The following SEC14L5 variants were observed in gnomAD, a reference collection of about 807,000 sequenced individuals.
SEC14L5 encodes the protein SEC14 like lipid binding 5, also known as SEC14-like protein 5.
Under a neutral mutation model 84.6 loss-of-function variants are expected in SEC14L5, and 96 were observed. The observed-to-expected ratio is 1.13, with a 90% confidence interval of 0.96 to 1.34. The LOEUF (loss-of-function observed/expected upper bound fraction) is 1.34. Among genes scored for constraint, SEC14L5 ranks in the 40% most tolerant of loss-of-function variants. The pLI, the probability that SEC14L5 is intolerant of heterozygous loss-of-function variation, is 0.00. For missense variants in SEC14L5, 1,224 were observed against 942.5 expected (o/e 1.30, Z -3.91); for synonymous variants, 546 against 383.4 (o/e 1.42, Z -4.95).
chr16:4,991,612 A>T (rs1955554120), intron 5 of SEC14L5, among the ~76,000 whole-genome samples: 1 of 152,052 alleles, frequency 6.6e-6, no homozygotes, highest in Admixed American at 6.6e-5. Context: ...CAAAAAACTG[A>T]TTACTGAGCT....
intron 2 of SEC14L5, among the ~76,000 whole-genome samples, chr16:4,980,074 C>G (rs1295068020): frequency 1.3e-5 from 2 of 152,346 alleles, no homozygotes; most frequent in East Asian, 1.9e-4. Context: ...CGGCCATGTG[C>G]TGCTGGGCGA....
chr16:5,012,022 G>A (rs1047626232), intron 15 of SEC14L5, among the ~76,000 whole-genome samples: 2 of 152,148 alleles, frequency 1.3e-5, no homozygotes, highest in African/African-American at 4.8e-5. Context: ...CTTTCCCGTG[G>A]GGGTAAAATT....
intron 15 of SEC14L5, among the ~76,000 whole-genome samples, chr16:5,011,792 C>T (rs1311031860): frequency 6.6e-6 from 1 of 152,062 alleles, no homozygotes; most frequent in Non-Finnish European, 1.5e-5. Context: ...CCACTGGAGC[C>T]CCAGTCTTGT....
chr16:5,001,152 C>T (rs778142644), intron 10 of SEC14L5, among the ~76,000 whole-genome samples: 1 of 152,042 alleles, frequency 6.6e-6, no homozygotes, highest in Non-Finnish European at 1.5e-5. Flanking sequence ...AGCTTGTGAG[C>T]CGGTCAGGAC....
In SEC14L5 at chr16:4,990,820, C is replaced by T; in HGVS notation, c.399C>T (p.Asp133=). Residue 133 remains aspartate, a synonymous_variant, in exon 5 of 16, where the codon GAC becomes GAT. Transcript: ENST00000251170. Reference sequence around the variant, plus strand: ...GCTTCGAGCAGTCTGCCTCACTGGACATTCGGTCTTTCTTTGGCTTTGAAA... The same window carrying T: ...GCTTCGAGCAGTCTGCCTCACTGGATATTCGGTCTTTCTTTGGCTTTGAAA... The part of the protein sequence containing the change: ...WTCFEQSASL[D]IRSFFGFENA... The T allele has an allele frequency of 1.2e-6, 2 of 1,612,078 alleles. No individual in the cohort carries two copies. The highest frequency in any genetic ancestry group is 1.3e-5 in the African/African-American group (1 of 74,892).
rs113637989 is a variant in SEC14L5, at chr16:4,970,694, C to T, written c.63+11308C>T. Among the ~76,000 whole-genome samples, 1,165 of 152,290 alleles carry T rather than the reference C, an allele frequency of 7.6e-3. 4 individuals carry two copies. The highest frequency in any genetic ancestry group is 0.012 in the Non-Finnish European group (790 of 68,040). ...AGTGGGTTTGTGCACACATGGGTGG[C>T]ACGGGCTGTCGTTCTCCCAGTGCCG... On this transcript the variant is annotated intron_variant, in intron 2 of 15. Coordinates refer to ENST00000251170, the MANE Select transcript of SEC14L5 (RefSeq NM_014692.2).
intron 15 of SEC14L5, among the ~76,000 whole-genome samples, chr16:5,014,587 C>T (rs1232632479): frequency 1.3e-5 from 2 of 152,184 alleles, no homozygotes; most frequent in Non-Finnish European, 2.9e-5. Flanking sequence ...CCGGGGACTC[C>T]CTGGGCTGTG....
At chr16:5,012,419 G>A (rs1955816054) in intron 15 of SEC14L5, among the ~76,000 whole-genome samples, 1 of 152,200 alleles carries the variant, frequency 6.6e-6, no homozygotes, top group African/African-American at 2.4e-5. Flanking sequence ...AGCCTCATGA[G>A]AAAATCAGTT....
intron 15 of SEC14L5, among the ~76,000 whole-genome samples, chr16:5,014,509 A>G (rs1955847896): frequency 6.6e-6 from 1 of 152,260 alleles, no homozygotes; most frequent in African/African-American, 2.4e-5. Context: ...AGGCCACTGC[A>G]AGAGCTAGGA....
chr16:4,975,617 G>A (rs1306345880), intron 2 of SEC14L5, among the ~76,000 whole-genome samples: 2 of 151,948 alleles, frequency 1.3e-5, no homozygotes, highest in Non-Finnish European at 2.9e-5. Context: ...ATTGTGAATT[G>A]TGCTGCTATA....
chr16:4,994,921 C>T (rs566311518), intron 6 of SEC14L5, among the ~76,000 whole-genome samples: 12 of 152,202 alleles, frequency 7.9e-5, no homozygotes, highest in East Asian at 7.7e-4. Context: ...CACATCTGCC[C>T]GGGGCCGGAA....
chr16:4,987,921 C>A (rs1596627717), intron 3 of SEC14L5, among the ~76,000 whole-genome samples: 1 of 151,736 alleles, frequency 6.6e-6, no homozygotes, highest in Non-Finnish European at 1.5e-5. Flanking sequence ...GTAGCGGGAA[C>A]TGGGCGGGGT....
In SEC14L5 at chr16:4,998,003, C is replaced by CCTTTTTTTTTTTTT. The variant is rs1555530444; in HGVS notation, c.970+959_970+960insCTTTTTTTTTTTTT. 9.0e-5 allele frequency among the ~76,000 whole-genome samples: 7 copies of CCTTTTTTTTTTTTT among 77,896 alleles called. 3 individuals are homozygous for CCTTTTTTTTTTTTT. Among genetic ancestry groups the CCTTTTTTTTTTTTT allele is most frequent in the Non-Finnish European group, 5.3e-5 (2 of 37,856 alleles). 51.1% of individuals were successfully genotyped at this position (77,896 alleles called of 152,430 possible). On this transcript the variant is annotated intron_variant, in intron 8 of 15. Coordinates refer to ENST00000251170, the MANE Select transcript of SEC14L5 (RefSeq NM_014692.2). The stretch of plus-strand genomic sequence containing the variant: ...AATTACACCTGCACAGACTCTAGTT[C>CCTTTTTTTTTTTTT]TTTTTTTTTTTTTTTTTTGAGACAG...
At position 4,967,525 on chromosome 16, in the gene SEC14L5, G is replaced by T. The variant is rs139486826; in HGVS notation, c.63+8139G>T. Among the ~76,000 whole-genome samples the T allele has an allele frequency of 2.8e-4, 40 of 142,854 alleles. No homozygotes were observed. The East Asian group carries it at 7.8e-3, about 28-fold the overall frequency. 93.7% of individuals were successfully genotyped at this position (142,854 alleles called of 152,430 possible). A position where few individuals can be genotyped will look rare whatever the true frequency, so the allele number is the denominator to read the frequency against. On this transcript the variant is annotated intron_variant, in intron 2 of 15. Transcript: ENST00000251170. The stretch of plus-strand genomic sequence containing the variant: ...ACCCCACAGCCAGAGCTCACAGCCA[G>T]ACTTTCCGGATTCTGGCTCTGACTT...
At chr16:5,014,495 A>G (rs1356066774) in intron 15 of SEC14L5, among the ~76,000 whole-genome samples, 1 of 152,278 alleles carries the variant, frequency 6.6e-6, no homozygotes, top group Non-Finnish European at 1.5e-5. Context: ...CTCAGCGCAC[A>G]CGAAGGCCAC....
intron 14 of SEC14L5, among the ~76,000 whole-genome samples, chr16:5,010,158 C>T (rs1416727253): frequency 7.0e-5 from 8 of 114,342 alleles, no homozygotes; most frequent in African/African-American, 2.5e-4. Flanking sequence ...GCCTGGCCAA[C>T]ATGGTGAAAC....
chr16:5,002,796 C>T (rs751964305), intron 10 of SEC14L5, among the ~76,000 whole-genome samples: 1 of 152,168 alleles, frequency 6.6e-6, no homozygotes, highest in Non-Finnish European at 1.5e-5. Flanking sequence ...CAGCAAGTGG[C>T]AGAACTGGGA....
intron 8 of SEC14L5, among the ~76,000 whole-genome samples, chr16:5,000,184 G>A (rs906180939): frequency 7.9e-5 from 12 of 151,822 alleles, no homozygotes; most frequent in African/African-American, 2.7e-4. Flanking sequence ...CCAGCTACTC[G>A]GGAGGCTGAG....
At chr16:4,989,451 A>G (rs554928412) in intron 4 of SEC14L5, among the ~76,000 whole-genome samples, 134 of 151,822 alleles carry the variant, frequency 8.8e-4, no homozygotes, top group Non-Finnish European at 1.5e-3. Flanking sequence ...CTTGCCTCAG[A>G]TTCTCACGCC....
Sources: gnomAD v4.1 joint callset for allele counts (sites outside exome capture counted in the v4.1 genomes callset) on GRCh38, gnomAD v4.1.1 for gene constraint, MANE v1.5 for transcripts, NCBI Gene and HGNC (gene_info 2026-07-23, HGNC 2026-07-21) for gene names.